CNBD1: variants seen among roughly 807,000 people sequenced by gnomAD.
CNBD1 encodes cyclic nucleotide-binding domain-containing protein 1.
Under a neutral mutation model 54.4 loss-of-function variants are expected in CNBD1, and 71 were observed. The ratio of observed to expected loss-of-function variants is 1.30; its 90% CI spans 1.08 to 1.59. CNBD1 has a LOEUF of 1.59. Among genes scored for constraint, CNBD1 ranks in the 40% most tolerant of loss-of-function variants. The probability of loss-of-function intolerance (pLI) is 0.00; values close to 1 mark genes in which losing one functional copy is unlikely to be tolerated. For synonymous variants in CNBD1, 182 were observed against 170.7 expected (o/e 1.07, Z -0.51); for missense variants, 659 against 518.0 (o/e 1.27, Z -2.64).
At chr8:87,041,755 T>C (rs902825235) in intron 4 of CNBD1, among the ~76,000 whole-genome samples, 5 of 151,944 alleles carry the variant, frequency 3.3e-5, no homozygotes, top group African/African-American at 1.2e-4. Context: ...GCCAAGATCA[T>C]GCCACTGCAC....
intron 2 of CNBD1, among the ~76,000 whole-genome samples, chr8:87,394,192 C>T (rs778816850): frequency 4.0e-5 from 6 of 151,794 alleles, no homozygotes; most frequent in Non-Finnish European, 8.8e-5. Flanking sequence ...TCAGAATTGC[C>T]TTAAAGCATT....
chr8:87,334,157 G>T (rs2130912904), intron 8 of CNBD1, among the ~76,000 whole-genome samples: 1 of 152,224 alleles, frequency 6.6e-6, no homozygotes, highest in Non-Finnish European at 1.5e-5. Flanking sequence ...AGATTTTCTA[G>T]TTTGTTTGCA....
At chr8:87,264,801 T>A (rs1808214460) in intron 6 of CNBD1, among the ~76,000 whole-genome samples, 1 of 152,190 alleles carries the variant, frequency 6.6e-6, no homozygotes, top group African/African-American at 2.4e-5. Flanking sequence ...ATGTCTTCTT[T>A]TGAGAAGTGT....
At chr8:87,408,609 G>C (rs968047815) in intron 2 of CNBD1, among the ~76,000 whole-genome samples, 1 of 151,868 alleles carries the variant, frequency 6.6e-6, no homozygotes. Flanking sequence ...AGTTTATCGT[G>C]CTTCATTATA....
chr8:86,870,187 C>CTTTTTTTTTTTTT (rs1420611337), intron 1 of CNBD1, among the ~76,000 whole-genome samples: 2 of 47,776 alleles, frequency 4.2e-5, no homozygotes, highest in Non-Finnish European at 7.8e-5. Context: ...CAAGATAGTA[C>CTTTTTTTTTTTTT]TCTTTTTTTT....
intron 4 of CNBD1, among the ~76,000 whole-genome samples, chr8:87,060,999 A>G (rs2130639238): frequency 6.6e-6 from 1 of 152,338 alleles, no homozygotes; most frequent in South Asian, 2.1e-4. Flanking sequence ...TCAGAAAGTT[A>G]GTGACCTGGC....
chr8:87,188,616 C>G (rs1015099539), intron 4 of CNBD1, among the ~76,000 whole-genome samples: 1 of 151,764 alleles, frequency 6.6e-6, no homozygotes, highest in Non-Finnish European at 1.5e-5. Flanking sequence ...ATCCCAGCTA[C>G]TTGGGAGACC....
At chr8:87,398,603 CCTT>C (rs945996186) in intron 2 of CNBD1, among the ~76,000 whole-genome samples, 1 of 151,986 alleles carries the variant, frequency 6.6e-6, no homozygotes, top group Non-Finnish European at 1.5e-5. Flanking sequence ...TTTACATAAT[CCTT>C]CTTTTTAAAA....
intron 4 of CNBD1, among the ~76,000 whole-genome samples, chr8:87,045,030 G>A (rs903416805): frequency 6.6e-5 from 10 of 152,242 alleles, no homozygotes; most frequent in Admixed American, 6.5e-4. Context: ...CCTAACTGCT[G>A]TTAGGAAGGT....
At chr8:86,920,925 G>A (rs1183010690) in intron 3 of CNBD1, among the ~76,000 whole-genome samples, 4 of 151,842 alleles carry the variant, frequency 2.6e-5, no homozygotes, top group Non-Finnish European at 5.9e-5. Context: ...TTGGTATAGT[G>A]TATGCATAGT....
intron 2 of CNBD1, among the ~76,000 whole-genome samples, chr8:87,406,280 A>T (rs998999399): frequency 3.3e-5 from 5 of 152,050 alleles, no homozygotes; most frequent in Admixed American, 3.3e-4. Flanking sequence ...ATTTTTGGTA[A>T]GTATTGGTTG....
At chr8:86,904,981 A>T in intron 2 of CNBD1, 100 bp from the exon 3 acceptor site, 1 of 493,074 alleles carries the variant, frequency 2.0e-6, no homozygotes, top group Non-Finnish European at 3.6e-6. Flanking sequence ...TCTTAGACTA[A>T]ATAGTATAGA....
At chr8:86,912,407 T>C (rs1204744445) in intron 3 of CNBD1, among the ~76,000 whole-genome samples, 1 of 152,164 alleles carries the variant, frequency 6.6e-6, no homozygotes, top group Non-Finnish European at 1.5e-5. Flanking sequence ...ATAACAACAT[T>C]TCAGCCAACA....
intron 2 of CNBD1, among the ~76,000 whole-genome samples, chr8:87,401,253 A>G (rs1439187632): frequency 6.6e-6 from 1 of 152,078 alleles, no homozygotes. Flanking sequence ...CTCACAGATG[A>G]GAACCTGAGA....
chr8:87,116,063 C>T (rs1811761101), intron 4 of CNBD1, among the ~76,000 whole-genome samples: 1 of 152,052 alleles, frequency 6.6e-6, no homozygotes, highest in African/African-American at 2.4e-5. Flanking sequence ...AACTCACTGG[C>T]CATTTTTAAA....
downstream of CNBD1, among the ~76,000 whole-genome samples, chr8:87,384,667 TG>T (rs1190284574): frequency 6.6e-6 from 1 of 152,180 alleles, no homozygotes; most frequent in African/African-American, 2.4e-5. Context: ...AATAAATGTA[TG>T]TTTTTTTCCA....
intron 2 of CNBD1, among the ~76,000 whole-genome samples, chr8:87,412,403 G>C (rs1807761383): frequency 6.6e-6 from 1 of 152,084 alleles, no homozygotes; most frequent in Non-Finnish European, 1.5e-5. Flanking sequence ...ACCAGGATTT[G>C]CTTCTCAAAT....
At chr8:86,929,606 C>T (rs1192265857) in intron 3 of CNBD1, among the ~76,000 whole-genome samples, 1 of 152,194 alleles carries the variant, frequency 6.6e-6, no homozygotes, top group African/African-American at 2.4e-5. Flanking sequence ...GTTCCCCATC[C>T]TCTGGGAGAA....
At chr8:87,361,707 T>TATATATATATATATATATTC (rs1810527424) in intron 10 of CNBD1, among the ~76,000 whole-genome samples, 2 of 150,662 alleles carry the variant, frequency 1.3e-5, no homozygotes, top group African/African-American at 4.9e-5. Context: ...TATATATATA[T>TATATATATATATATATATTC]ATTCTTGTTC....
Sources: gnomAD v4.1 joint callset for allele counts (sites outside exome capture counted in the v4.1 genomes callset) on GRCh38, gnomAD v4.1.1 for gene constraint, MANE v1.5 for transcripts, NCBI Gene and HGNC (gene_info 2026-07-23, HGNC 2026-07-21) for gene names.